OSBPL10: variants seen among roughly 807,000 people sequenced by gnomAD.
The protein encoded by OSBPL10 is oxysterol-binding protein-related protein 10.
Under a neutral mutation model 81.7 loss-of-function variants are expected in OSBPL10, and 49 were observed. The ratio of observed to expected loss-of-function variants is 0.60; its 90% CI spans 0.48 to 0.76. OSBPL10 has a LOEUF of 0.76. Ranked by LOEUF, OSBPL10 falls within the 30% of genes least tolerant of loss-of-function variation. The pLI is 0.00. For synonymous variants in OSBPL10, 419 were observed against 383.6 expected (o/e 1.09, Z -1.08); for missense variants, 923 against 987.8 (o/e 0.93, Z 0.88).
intron 1 of OSBPL10, among the ~76,000 whole-genome samples, chr3:31,979,514 C>A (rs188937615): frequency 6.6e-6 from 1 of 152,222 alleles, no homozygotes; most frequent in East Asian, 1.9e-4. Flanking sequence ...GTAATATAGT[C>A]CATGCAGCAG....
chr3:31,922,977 C>G (rs899107850), intron 1 of OSBPL10, among the ~76,000 whole-genome samples: 8 of 152,038 alleles, frequency 5.3e-5, no homozygotes, highest in African/African-American at 1.9e-4. Context: ...GAGGGCTTCA[C>G]AGTGTTTAAA....
At chr3:31,897,669 A>T (rs1696095616) in intron 1 of OSBPL10, among the ~76,000 whole-genome samples, 1 of 152,122 alleles carries the variant, frequency 6.6e-6, no homozygotes, top group Non-Finnish European at 1.5e-5. Context: ...AGAGAAACAA[A>T]CATCAGGTTG....
chr3:31,716,427 C>A (rs1559430740), intron 6 of OSBPL10, among the ~76,000 whole-genome samples: 1 of 152,182 alleles, frequency 6.6e-6, no homozygotes, highest in Non-Finnish European at 1.5e-5. Flanking sequence ...TGAACAGCAA[C>A]TCCCTTGCTC....
intron 1 of OSBPL10, among the ~76,000 whole-genome samples, chr3:31,978,888 TAAAATAATGC>T (rs886538094): frequency 1.6e-4 from 24 of 152,146 alleles, no homozygotes; most frequent in Admixed American, 4.6e-4. Context: ...ACAATGGGTT[TAAAATAATGC>T]AAAAGAATGT....
intron 10 of OSBPL10, 94 bp downstream of exon 10, chr3:31,668,548 G>A: frequency 8.3e-7 from 1 of 1,204,226 alleles, no homozygotes; most frequent in African/African-American, 1.5e-5. Context: ...CCTGTTTCCA[G>A]TCGCTAAGTT....
intron 1 of OSBPL10, among the ~76,000 whole-genome samples, chr3:32,072,075 C>G (rs1203105212): frequency 6.6e-6 from 1 of 152,188 alleles, no homozygotes; most frequent in Non-Finnish European, 1.5e-5. Context: ...TGCCTTCACT[C>G]AAGCCCTCAC....
chr3:31,942,247 T>C (rs1031492261), intron 1 of OSBPL10, among the ~76,000 whole-genome samples: 1 of 151,784 alleles, frequency 6.6e-6, no homozygotes, highest in South Asian at 2.1e-4. Flanking sequence ...AAGAATGCAA[T>C]GTATGGCTCA....
At chr3:31,938,976 C>T (rs146558023) in intron 1 of OSBPL10, among the ~76,000 whole-genome samples, 2 of 152,236 alleles carry the variant, frequency 1.3e-5, no homozygotes, top group Middle Eastern at 3.4e-3. Context: ...TGTCTTCCTT[C>T]CCATTCAGTG....
chr3:31,843,822 C>A (rs527547882), intron 3 of OSBPL10, among the ~76,000 whole-genome samples: 1 of 152,294 alleles, frequency 6.6e-6, no homozygotes, highest in African/African-American at 2.4e-5. Flanking sequence ...TTGGGTATCT[C>A]CAAGACATAT....
Position 31,980,966 on chromosome 3 carries a change from T to A in OSBPL10, c.214A>T (p.Arg72Trp), listed in dbSNP as rs767708883. 3.8e-6 allele frequency: 6 copies of A among 1,569,398 alleles called. No individual in the cohort carries two copies. The highest frequency in any genetic ancestry group is 1.1e-5 in the South Asian group (1 of 87,038). The change falls in exon 1 of 12, where the codon AGG becomes TGG. Residue 72 changes from arginine (R) to tryptophan (W), a missense_variant. Physicochemically the swap from Arg to Trp is moderately radical, Grantham distance 101. Coordinates refer to ENST00000396556, the MANE Select transcript of OSBPL10 (RefSeq NM_017784.5). ...AASPSGGGGRRREPALEGVLS... is the reference protein window; with the variant it reads ...AASPSGGGGRWREPALEGVLS... ...ACGCCCTCGAGCGCCGGCTCCCTCC[T>A]GCGGCCGCCTCCCCCGGACGGGCTA...
chr3:31,723,585 G>T (rs1696724649), intron 6 of OSBPL10, among the ~76,000 whole-genome samples: 1 of 142,098 alleles, frequency 7.0e-6, no homozygotes, highest in Admixed American at 6.9e-5. Context: ...TTTCCCTCTA[G>T]TTGCTCACAT....
chr3:31,796,840 C>T (rs143763965), intron 4 of OSBPL10, among the ~76,000 whole-genome samples: 346 of 152,238 alleles, frequency 2.3e-3, no homozygotes, highest in African/African-American at 7.7e-3. Context: ...GAAGTGTCAA[C>T]TTCATTCAGG....
chr3:31,799,761 G>A (rs1699331543), intron 4 of OSBPL10, among the ~76,000 whole-genome samples: 3 of 152,170 alleles, frequency 2.0e-5, no homozygotes, highest in Non-Finnish European at 4.4e-5. Context: ...TGCTTTTTAA[G>A]TAATTATGGT....
At chr3:31,779,291 CACCA>C (rs1698625425) in intron 4 of OSBPL10, among the ~76,000 whole-genome samples, 1 of 152,118 alleles carries the variant, frequency 6.6e-6, no homozygotes, top group South Asian at 2.1e-4. Flanking sequence ...GATAAAAATC[CACCA>C]ACCAAGTATC....
intron 1 of OSBPL10, among the ~76,000 whole-genome samples, chr3:31,963,614 A>G (rs1698231324): frequency 2.0e-5 from 3 of 152,248 alleles, no homozygotes; most frequent in African/African-American, 7.2e-5. Flanking sequence ...CTTGCTATCC[A>G]TAGGACATTT....
chr3:31,983,890 C>A (rs754001901), upstream of OSBPL10, among the ~76,000 whole-genome samples: 5 of 152,192 alleles, frequency 3.3e-5, no homozygotes, highest in African/African-American at 7.2e-5. Context: ...TTTCATCTTG[C>A]TTGTTACCCG....
chr3:31,804,282 C>A (rs1272872973), intron 4 of OSBPL10, among the ~76,000 whole-genome samples: 2 of 152,132 alleles, frequency 1.3e-5, no homozygotes. Context: ...ATACTATCAA[C>A]ATCACAGATT....
intron 7 of OSBPL10, among the ~76,000 whole-genome samples, chr3:31,695,834 C>T (rs1228259876): frequency 6.6e-6 from 1 of 152,148 alleles, no homozygotes; most frequent in Non-Finnish European, 1.5e-5. Context: ...GGTCACTTTC[C>T]TGCTTTTCTC....
chr3:31,736,750 A>G (rs2085312), intron 5 of OSBPL10, among the ~76,000 whole-genome samples: 63,931 of 152,042 alleles, frequency 0.42, 13,977 homozygotes, highest in East Asian at 0.71. Context: ...AAATTAACAA[A>G]CTAGCCAGGC....
Sources: allele counts gnomAD v4.1 joint callset (sites outside exome capture counted in the v4.1 genomes callset), GRCh38; gene constraint gnomAD v4.1.1; transcripts MANE v1.5; gene names NCBI Gene and HGNC (gene_info 2026-07-23, HGNC 2026-07-21).